Variants in RAP1GAP2 observed in about 807,000 individuals in gnomAD.
RAP1GAP2 encodes the protein RAP1 GTPase activating protein 2.
A neutral mutation model predicts 95.0 loss-of-function variants in RAP1GAP2; 27 were observed. The ratio of observed to expected loss-of-function variants is 0.28; its 90% CI spans 0.21 to 0.39. RAP1GAP2 has a LOEUF of 0.39. Ranked by LOEUF, RAP1GAP2 falls within the 10% of genes least tolerant of loss-of-function variation. The pLI is 1.00. For synonymous variants in RAP1GAP2, 373 were observed against 380.9 expected (o/e 0.98, Z 0.24); for missense variants, 771 against 970.0 (o/e 0.79, Z 2.72).
At chr17:2,791,034 A>T (rs376041318) in intron 1 of RAP1GAP2, among the ~76,000 whole-genome samples, 13 of 152,280 alleles carry the variant, frequency 8.5e-5, no homozygotes, top group African/African-American at 3.1e-4. Context: ...GCAAAACCCC[A>T]TCTCCACTAA....
chr17:2,790,513 A>T (rs1235612504), intron 1 of RAP1GAP2, among the ~76,000 whole-genome samples: 1 of 152,196 alleles, frequency 6.6e-6, no homozygotes, highest in East Asian at 1.9e-4. Context: ...GTCTCAAAAG[A>T]GTAGGTCACC....
chr17:2,824,811 G>T (rs903070106), intron 2 of RAP1GAP2, among the ~76,000 whole-genome samples: 5 of 151,986 alleles, frequency 3.3e-5, no homozygotes, highest in Non-Finnish European at 7.4e-5. Flanking sequence ...AGAAGCAGAG[G>T]CTTGGCCAGA....
At chr17:2,860,690 G>A (rs547610783) in intron 2 of RAP1GAP2, among the ~76,000 whole-genome samples, 2 of 131,860 alleles carry the variant, frequency 1.5e-5, no homozygotes, top group South Asian at 2.7e-4. Context: ...TGCAGCCTCC[G>A]CCTCCTGGGT....
chr17:2,986,988 T>C (rs1321498192), intron 11 of RAP1GAP2, among the ~76,000 whole-genome samples: 1 of 152,220 alleles, frequency 6.6e-6, no homozygotes, highest in African/African-American at 2.4e-5. Flanking sequence ...GCAAACTTTT[T>C]TGGGTAAAGG....
intron 10 of RAP1GAP2, among the ~76,000 whole-genome samples, chr17:2,984,467 T>C (rs2045482333): frequency 6.6e-6 from 1 of 152,210 alleles, no homozygotes; most frequent in Non-Finnish European, 1.5e-5. Context: ...TTTAAACATT[T>C]CCTCTTTGCA....
chr17:2,774,941 C>T (rs569922215), upstream of RAP1GAP2, among the ~76,000 whole-genome samples: 1 of 152,082 alleles, frequency 6.6e-6, no homozygotes, highest in East Asian at 1.9e-4. Context: ...CTGCTTCAGC[C>T]TCCTGAGTAG....
chr17:2,834,369 C>G (rs1468488676), intron 2 of RAP1GAP2, among the ~76,000 whole-genome samples: 1 of 152,198 alleles, frequency 6.6e-6, no homozygotes, highest in Non-Finnish European at 1.5e-5. Flanking sequence ...CTGCCAATCT[C>G]AAACCCAGGA....
chr17:2,861,469 T>C (rs1045787786), intron 2 of RAP1GAP2, among the ~76,000 whole-genome samples: 1 of 148,944 alleles, frequency 6.7e-6, no homozygotes, highest in Non-Finnish European at 1.5e-5. Context: ...TGCCTGTTTC[T>C]CTGGGGTCTT....
intron 2 of RAP1GAP2, among the ~76,000 whole-genome samples, chr17:2,809,651 C>T (rs573271557): frequency 9.5e-4 from 144 of 152,326 alleles, no homozygotes; most frequent in Non-Finnish European, 1.7e-3. Flanking sequence ...GTGGAAGAGG[C>T]CAGAGGGCTC....
intron 2 of RAP1GAP2, among the ~76,000 whole-genome samples, chr17:2,839,501 C>A (rs933260569): frequency 2.6e-5 from 4 of 152,040 alleles, no homozygotes; most frequent in Non-Finnish European, 4.4e-5. Flanking sequence ...AATTAATGAA[C>A]CTAGACTGAT....
At chr17:3,024,237 A>G (rs1220747838) in intron 19 of RAP1GAP2, among the ~76,000 whole-genome samples, 1 of 152,190 alleles carries the variant, frequency 6.6e-6, no homozygotes, top group Non-Finnish European at 1.5e-5. Context: ...GAGAAATTCC[A>G]GGAAGGGAGG....
chr17:2,860,390 C>T (rs561042021), intron 2 of RAP1GAP2, among the ~76,000 whole-genome samples: 1 of 152,144 alleles, frequency 6.6e-6, no homozygotes, highest in Admixed American at 6.6e-5. Flanking sequence ...TTAGACCATT[C>T]GAGTTGAAGG....
intron 7 of RAP1GAP2, chr17:2,964,679 C>G (rs762718044): frequency 6.5e-6 from 1 of 153,434 alleles, no homozygotes; most frequent in African/African-American, 2.4e-5. Flanking sequence ...TCTCACACCT[C>G]AAGAAGTCTC....
intron 19 of RAP1GAP2, 105 bp from the exon 20 acceptor site, chr17:3,025,903 C>A: frequency 2.4e-6 from 2 of 818,192 alleles, no homozygotes; most frequent in Admixed American, 2.3e-5. Context: ...GCGCTCTGAC[C>A]CCACTGCCCC....
chr17:2,973,136 T>A (rs1210429756), intron 8 of RAP1GAP2, among the ~76,000 whole-genome samples: 1 of 152,002 alleles, frequency 6.6e-6, no homozygotes, highest in African/African-American at 2.4e-5. Flanking sequence ...CCTGTACCAG[T>A]GATGTTTAGG....
chr17:2,955,069 A>G (rs2060165247), intron 3 of RAP1GAP2, among the ~76,000 whole-genome samples: 1 of 152,200 alleles, frequency 6.6e-6, no homozygotes, highest in Non-Finnish European at 1.5e-5. Context: ...GCAAGAGTGA[A>G]TACTGCAGTA....
intron 1 of RAP1GAP2, among the ~76,000 whole-genome samples, chr17:2,755,960 C>T (rs1299512543): frequency 6.6e-6 from 1 of 152,122 alleles, no homozygotes; most frequent in Non-Finnish European, 1.5e-5. Context: ...GTCCCCGCGC[C>T]GGGTCTCTGC....
chr17:2,932,845 A>T (rs1000388159), intron 3 of RAP1GAP2, among the ~76,000 whole-genome samples: 5 of 115,342 alleles, frequency 4.3e-5, no homozygotes, highest in African/African-American at 1.5e-4. Flanking sequence ...AAAAAAAAAG[A>T]GCAGGGACCA....
At chr17:2,801,345 C>A (rs956188949) in intron 2 of RAP1GAP2, among the ~76,000 whole-genome samples, 8 of 151,460 alleles carry the variant, frequency 5.3e-5, no homozygotes, top group Non-Finnish European at 1.2e-4. Context: ...CGTGATGGCA[C>A]TTGCCTGTAA....
Sources: allele counts gnomAD v4.1 joint callset (sites outside exome capture counted in the v4.1 genomes callset), GRCh38; gene constraint gnomAD v4.1.1; transcripts MANE v1.5; gene names NCBI Gene and HGNC (gene_info 2026-07-23, HGNC 2026-07-21).